Variants in HCN1 observed in about 807,000 individuals in gnomAD.
The protein encoded by HCN1 is hyperpolarization activated cyclic nucleotide gated potassium channel 1, also known as potassium/sodium hyperpolarization-activated cyclic nucleotide-gated channel 1.
Under a neutral mutation model 78.9 loss-of-function variants are expected in HCN1, and 13 were observed. The ratio of observed to expected loss-of-function variants is 0.16; its 90% CI spans 0.11 to 0.26. HCN1 has a LOEUF of 0.26. Among genes scored for constraint, HCN1 ranks in the 10% least tolerant of loss-of-function variants. HCN1 has a pLI of 1.00. For missense variants in HCN1, 810 were observed against 1,154.3 expected, an observed-to-expected ratio of 0.70 and a Z score of 4.32; for synonymous variants, 552 against 455.5, an observed-to-expected ratio of 1.21 and a Z score of -2.70.
chr5:45,323,715 A>G (rs1179059692), intron 5 of HCN1, among the ~76,000 whole-genome samples: 1 of 151,394 alleles, frequency 6.6e-6, no homozygotes, highest in African/African-American at 2.4e-5. Flanking sequence ...TCCCTCCCCC[A>G]TCCCCCAACC....
At chr5:45,650,777 T>A (rs1745663410) in intron 1 of HCN1, among the ~76,000 whole-genome samples, 1 of 151,926 alleles carries the variant, frequency 6.6e-6, no homozygotes, top group Non-Finnish European at 1.5e-5. Context: ...TCAAATTCAG[T>A]CATACTTTTT....
intron 2 of HCN1, among the ~76,000 whole-genome samples, chr5:45,547,675 C>G (rs1743257438): frequency 6.6e-6 from 1 of 151,764 alleles, no homozygotes; most frequent in Non-Finnish European, 1.5e-5. Context: ...TTTTGTACTG[C>G]AATTTTTTAG....
Position 45,461,936 on chromosome 5 carries a change from G to A in HCN1, c.921C>T (p.Leu307=), listed in dbSNP as rs1385704339. 6.2e-7 allele frequency: 1 copy of A among 1,613,228 alleles called. No homozygotes were observed. The highest frequency in any genetic ancestry group is 8.5e-7 in the Non-Finnish European group (1 of 1,179,550). Reference sequence around the variant, plus strand: ...GAAGACAACCATCCCAGTGGCACAGGAGCAGCATCATGCCGATGAGATTAA... The same window carrying A: ...GAAGACAACCATCCCAGTGGCACAGAAGCAGCATCATGCCGATGAGATTAA... ...RIFNLIGMML[L]LCHWDGCLQF... The change falls in exon 3 of 8, where the codon CTC becomes CTT. Residue 307 remains leucine (L), a synonymous_variant. Transcript: ENST00000303230.
At chr5:45,298,243 G>A (rs1371787353) in intron 6 of HCN1, among the ~76,000 whole-genome samples, 1 of 151,930 alleles carries the variant, frequency 6.6e-6, no homozygotes, top group African/African-American at 2.4e-5. Flanking sequence ...TATAATCGGA[G>A]AGAACTGGTA....
intron 2 of HCN1, among the ~76,000 whole-genome samples, chr5:45,476,307 GA>G (rs1741513641): frequency 1.3e-5 from 2 of 152,070 alleles, no homozygotes; most frequent in Admixed American, 6.6e-5. Context: ...AGAACTGTAA[GA>G]AATCACTATG....
intron 3 of HCN1, among the ~76,000 whole-genome samples, chr5:45,458,528 T>A (rs1184120420): frequency 2.0e-5 from 3 of 152,140 alleles, no homozygotes; most frequent in Non-Finnish European, 4.4e-5. Flanking sequence ...CACTTTTTAG[T>A]GTCAGAGCTC....
At chr5:45,269,958 A>G (rs1744929600) in intron 6 of HCN1, among the ~76,000 whole-genome samples, 1 of 152,204 alleles carries the variant, frequency 6.6e-6, no homozygotes, top group Admixed American at 6.5e-5. Flanking sequence ...ACCAGCATAC[A>G]TTTAAATGCA....
chr5:45,418,309 GGA>G (rs1289157910), intron 3 of HCN1, among the ~76,000 whole-genome samples: 1 of 151,190 alleles, frequency 6.6e-6, no homozygotes, highest in African/African-American at 2.4e-5. Flanking sequence ...GCAAACATAA[GGA>G]TAAGATACGT....
chr5:45,299,103 T>C (rs1232332451), intron 6 of HCN1, among the ~76,000 whole-genome samples: 1 of 151,990 alleles, frequency 6.6e-6, no homozygotes, highest in African/African-American at 2.4e-5. Flanking sequence ...CAAGAAACTT[T>C]AATGATTAAA....
intron 5 of HCN1, among the ~76,000 whole-genome samples, chr5:45,336,622 C>A (rs924008075): frequency 6.6e-6 from 1 of 151,970 alleles, no homozygotes; most frequent in Non-Finnish European, 1.5e-5. Flanking sequence ...TAGGTAGAAC[C>A]GGTGTAGCAA....
At chr5:45,305,717 G>T (rs764712483) in intron 5 of HCN1, among the ~76,000 whole-genome samples, 21 of 150,178 alleles carry the variant, frequency 1.4e-4, no homozygotes, top group Non-Finnish European at 2.7e-4. Flanking sequence ...GGAGGGAGCA[G>T]GTGGGAAGGA....
intron 3 of HCN1, among the ~76,000 whole-genome samples, chr5:45,399,185 G>A (rs1739746283): frequency 6.6e-6 from 1 of 152,168 alleles, no homozygotes; most frequent in Non-Finnish European, 1.5e-5. Flanking sequence ...TGCTGCTACA[G>A]ATAGTCACTC....
At chr5:45,458,788 G>T (rs1453744385) in intron 3 of HCN1, among the ~76,000 whole-genome samples, 1 of 151,876 alleles carries the variant, frequency 6.6e-6, no homozygotes, top group Non-Finnish European at 1.5e-5. Flanking sequence ...CAAAAAGTGG[G>T]GCAAAATAAT....
chr5:45,622,139 G>A (rs549849562), intron 2 of HCN1, among the ~76,000 whole-genome samples: 49 of 152,006 alleles, frequency 3.2e-4, no homozygotes, highest in Admixed American at 1.2e-3. Context: ...GGAGAATGGC[G>A]TGAACCCAGG....
intron 2 of HCN1, among the ~76,000 whole-genome samples, chr5:45,589,515 A>G (rs891820597): frequency 1.3e-5 from 2 of 152,208 alleles, no homozygotes; most frequent in Non-Finnish European, 2.9e-5. Context: ...TTGTTATGAA[A>G]GAGGTACAGG....
At position 45,376,153 on chromosome 5, in the gene HCN1, TATA is replaced by T. The variant is rs552598584; in HGVS notation, c.1230+20336_1230+20338del. Among the ~76,000 whole-genome samples the T allele has an allele frequency of 5.3e-3, 428 of 81,162 alleles. 5 individuals carry two copies. The highest frequency in any genetic ancestry group is 0.018 in the African/African-American group (394 of 21,874). The allele number at this position is 81,162 out of a possible 152,430, so 53.2% of individuals were successfully genotyped here. ...ATAAAATATAATATATTATATATAATATAATATTTTATAATATATAATATATTA... is the reference window on the plus strand; with the variant it reads ...ATAAAATATAATATATTATATATAATATATTTTATAATATATAATATATTA... On this transcript the variant is annotated intron_variant, in intron 4 of 7. Coordinates refer to ENST00000303230, the MANE Select transcript of HCN1 (RefSeq NM_021072.4).
chr5:45,573,082 A>C (rs563702575), intron 2 of HCN1, among the ~76,000 whole-genome samples: 2 of 152,310 alleles, frequency 1.3e-5, no homozygotes, highest in African/African-American at 4.8e-5. Flanking sequence ...GGTTGATGAT[A>C]GAAACTTACT....
chr5:45,671,161 A>G (rs1746142758), intron 1 of HCN1, among the ~76,000 whole-genome samples: 1 of 151,488 alleles, frequency 6.6e-6, no homozygotes, highest in Non-Finnish European at 1.5e-5. Context: ...ACCCTTGCCT[A>G]CTATTCTGTT....
In HCN1 at chr5:45,696,199, GC is replaced by G; in HGVS notation, c.-107del. On this transcript the variant is annotated 5_prime_UTR_variant, in exon 1 of 8. Transcript: ENST00000303230. ...AGGGGCCCGAGCCGGCTGCCGGCGA[GC>G]CCAGCTGCCCGTCGCGGCGGCGGCG... 2 of 536,214 alleles carry G rather than the reference GC, an allele frequency of 3.7e-6. No homozygotes were observed. Among genetic ancestry groups the G allele is most frequent in the Non-Finnish European group, 4.9e-6 (2 of 407,768 alleles). 33.2% of individuals were successfully genotyped at this position (536,214 alleles called of 1,614,324 possible). A position where few individuals can be genotyped will look rare whatever the true frequency, so the allele number is the denominator to read the frequency against.
Sources: allele counts gnomAD v4.1 joint callset (sites outside exome capture counted in the v4.1 genomes callset), GRCh38; gene constraint gnomAD v4.1.1; transcripts MANE v1.5; gene names NCBI Gene and HGNC (gene_info 2026-07-23, HGNC 2026-07-21).